SORCS3: variants seen among roughly 807,000 people sequenced by gnomAD.
SORCS3 encodes VPS10 domain-containing receptor SorCS3.
Under a neutral mutation model 146.3 loss-of-function variants are expected in SORCS3, and 57 were observed. The ratio of observed to expected loss-of-function variants is 0.39; its 90% CI spans 0.31 to 0.49. The LOEUF (loss-of-function observed/expected upper bound fraction) is 0.49, where lower values mean the gene tolerates loss of function less well. Among genes scored for constraint, SORCS3 ranks in the 20% least tolerant of loss-of-function variants. The probability of loss-of-function intolerance (pLI) is 0.92; values close to 1 mark genes in which losing one functional copy is unlikely to be tolerated. For synonymous variants in SORCS3, 653 were observed against 618.5 expected, an observed-to-expected ratio of 1.06 and a Z score of -0.83; for missense variants, 1,341 against 1,575.5, an observed-to-expected ratio of 0.85 and a Z score of 2.52.
intron 1 of SORCS3, among the ~76,000 whole-genome samples, chr10:104,745,724 T>C (rs2016901191): frequency 1.3e-5 from 2 of 152,172 alleles, no homozygotes. Flanking sequence ...CTTTGACTGA[T>C]ACCTCCCACT....
intron 5 of SORCS3, among the ~76,000 whole-genome samples, chr10:105,055,052 A>G (rs1459390564): frequency 6.6e-6 from 1 of 152,110 alleles, no homozygotes; most frequent in Non-Finnish European, 1.5e-5. Flanking sequence ...TTCAATATCC[A>G]GTTTTGAGTA....
intron 1 of SORCS3, among the ~76,000 whole-genome samples, chr10:104,673,060 T>C (rs1043489347): frequency 6.6e-6 from 1 of 152,186 alleles, no homozygotes; most frequent in African/African-American, 2.4e-5. Flanking sequence ...TGTTAGATAT[T>C]AGTATAGTCA....
At chr10:105,134,169 G>C (rs138467981) in intron 7 of SORCS3, among the ~76,000 whole-genome samples, 1 of 152,280 alleles carries the variant, frequency 6.6e-6, no homozygotes, top group East Asian at 1.9e-4. Flanking sequence ...AGGAGCACAG[G>C]CTTAGAGCCA....
intron 1 of SORCS3, among the ~76,000 whole-genome samples, chr10:104,739,929 G>A (rs2016821061): frequency 6.6e-6 from 1 of 152,158 alleles, no homozygotes; most frequent in Non-Finnish European, 1.5e-5. Flanking sequence ...AAACAGAATT[G>A]TACTTGGTAC....
At chr10:105,081,060 A>G (rs1175956982) in intron 5 of SORCS3, among the ~76,000 whole-genome samples, 2 of 152,348 alleles carry the variant, frequency 1.3e-5, no homozygotes, top group East Asian at 3.9e-4. Flanking sequence ...TACATACAGT[A>G]TATCAAAACT....
intron 1 of SORCS3, among the ~76,000 whole-genome samples, chr10:104,807,102 A>C (rs2017686225): frequency 8.4e-6 from 1 of 119,214 alleles, no homozygotes; most frequent in Non-Finnish European, 2.0e-5. Flanking sequence ...GATTCCCAGG[A>C]AGCATTTTCA....
chr10:104,831,386 G>C (rs1589516168), intron 1 of SORCS3, among the ~76,000 whole-genome samples: 3 of 152,260 alleles, frequency 2.0e-5, no homozygotes. Context: ...TATCTGTTTT[G>C]CCCTGCTGAA....
intron 1 of SORCS3, among the ~76,000 whole-genome samples, chr10:104,736,305 G>T (rs2016771998): frequency 1.3e-5 from 2 of 152,156 alleles, no homozygotes; most frequent in Non-Finnish European, 2.9e-5. Flanking sequence ...GGTTGAGGGG[G>T]GCAGGACTGA....
chr10:104,690,181 C>G (rs1314447867), intron 1 of SORCS3, among the ~76,000 whole-genome samples: 2 of 152,170 alleles, frequency 1.3e-5, no homozygotes, highest in Non-Finnish European at 2.9e-5. Flanking sequence ...ATGCATAGAT[C>G]TGGCCTGCAT....
intron 2 of SORCS3, among the ~76,000 whole-genome samples, chr10:104,850,457 T>G (rs1277619778): frequency 1.3e-5 from 2 of 152,192 alleles, no homozygotes; most frequent in African/African-American, 4.8e-5. Flanking sequence ...TGGCGGCATG[T>G]GCCTGTAGGC....
At chr10:105,034,889 C>T (rs1471241604) in intron 4 of SORCS3, among the ~76,000 whole-genome samples, 1 of 152,202 alleles carries the variant, frequency 6.6e-6, no homozygotes, top group Non-Finnish European at 1.5e-5. Flanking sequence ...CCTGCCCATA[C>T]AGTATCTCTT....
intron 10 of SORCS3, among the ~76,000 whole-genome samples, 191 bp from the exon 11 acceptor site, chr10:105,158,701 C>T (rs1005479883): frequency 6.6e-6 from 1 of 152,100 alleles, no homozygotes; most frequent in Non-Finnish European, 1.5e-5. Context: ...ATGGAAGGTA[C>T]TCAGTGGAGC....
chr10:105,109,357 A>G (rs17118366), intron 7 of SORCS3, among the ~76,000 whole-genome samples: 1 of 151,790 alleles, frequency 6.6e-6, no homozygotes, highest in Non-Finnish European at 1.5e-5. Flanking sequence ...CCTTTTTCCA[A>G]CCCCAGTTTG....
At chr10:104,677,612 A>T (rs972840869) in intron 1 of SORCS3, among the ~76,000 whole-genome samples, 2 of 152,196 alleles carry the variant, frequency 1.3e-5, no homozygotes, top group Admixed American at 1.3e-4. Flanking sequence ...CTGAACCATC[A>T]TCTTCATTAT....
chr10:104,739,124 A>G (rs1332492012), intron 1 of SORCS3, among the ~76,000 whole-genome samples: 1 of 152,184 alleles, frequency 6.6e-6, no homozygotes, highest in Non-Finnish European at 1.5e-5. Flanking sequence ...CCTGCCCAGC[A>G]CAGGTATCAT....
At chr10:105,217,335 C>A (rs2056671443) in intron 19 of SORCS3, among the ~76,000 whole-genome samples, 1 of 152,148 alleles carries the variant, frequency 6.6e-6, no homozygotes, top group Non-Finnish European at 1.5e-5. Context: ...ATATTACCAC[C>A]TGGGCCGTCC....
chr10:104,880,687 A>G (rs1016747086), intron 2 of SORCS3, among the ~76,000 whole-genome samples: 3 of 152,178 alleles, frequency 2.0e-5, no homozygotes, highest in Admixed American at 6.5e-5. Flanking sequence ...ACATTCTTGC[A>G]GAACATTTCA....
chr10:104,971,350 G>T (rs1417072648), intron 3 of SORCS3, among the ~76,000 whole-genome samples: 1 of 152,216 alleles, frequency 6.6e-6, no homozygotes, highest in Non-Finnish European at 1.5e-5. Flanking sequence ...GCAATAGGTA[G>T]GGAGATAATG....
chr10:104,647,560 A>G (rs994366413), intron 1 of SORCS3, among the ~76,000 whole-genome samples: 4 of 152,168 alleles, frequency 2.6e-5, no homozygotes, highest in Admixed American at 2.6e-4. Context: ...CTTCCCTCCA[A>G]TCACCATCAA....
Sources: allele counts gnomAD v4.1 joint callset (sites outside exome capture counted in the v4.1 genomes callset), GRCh38; gene constraint gnomAD v4.1.1; transcripts MANE v1.5; gene names NCBI Gene and HGNC (gene_info 2026-07-23, HGNC 2026-07-21).